Variants in PARD3B observed in about 807,000 individuals in gnomAD.
The protein encoded by PARD3B is partitioning defective 3 homolog B.
A neutral mutation model predicts 130.2 loss-of-function variants in PARD3B; 103 were observed. The ratio of observed to expected loss-of-function variants is 0.79; its 90% confidence interval spans 0.67 to 0.93. PARD3B has a LOEUF of 0.93. Ranked by LOEUF, PARD3B falls within the 40% of genes least tolerant of loss-of-function variation. The pLI is 0.00. For missense variants in PARD3B, 1,609 were observed against 1,499.2 expected (o/e 1.07, Z -1.21); for synonymous variants, 583 against 553.2 (o/e 1.05, Z -0.76).
At chr2:205,181,386 T>C (rs2035779254) in intron 13 of PARD3B, among the ~76,000 whole-genome samples, 1 of 152,262 alleles carries the variant, frequency 6.6e-6, no homozygotes, top group African/African-American at 2.4e-5. Flanking sequence ...TTGTGCAGAA[T>C]ACACTATCAG....
At chr2:205,042,958 T>C (rs1698496654) in intron 3 of PARD3B, among the ~76,000 whole-genome samples, 1 of 152,142 alleles carries the variant, frequency 6.6e-6, no homozygotes, top group Non-Finnish European at 1.5e-5. Context: ...ATTTGTGCTT[T>C]GCTTCCAGTG....
intron 2 of PARD3B, among the ~76,000 whole-genome samples, chr2:204,762,416 G>A (rs935611830): frequency 5.3e-5 from 8 of 152,168 alleles, no homozygotes; most frequent in Admixed American, 4.6e-4. Context: ...GAGCCACGGC[G>A]CCCAACCCGA....
intron 18 of PARD3B, among the ~76,000 whole-genome samples, chr2:205,315,834 C>T (rs2042545667): frequency 6.6e-6 from 1 of 152,176 alleles, no homozygotes; most frequent in Non-Finnish European, 1.5e-5. Context: ...ACCTCAAGCC[C>T]CATCTCCTTT....
At chr2:204,561,363 C>G (rs1220636528) in intron 1 of PARD3B, among the ~76,000 whole-genome samples, 2 of 152,146 alleles carry the variant, frequency 1.3e-5, no homozygotes, top group African/African-American at 4.8e-5. Flanking sequence ...GGAAATCTTC[C>G]TTTGTTCCTC....
intron 5 of PARD3B, among the ~76,000 whole-genome samples, chr2:205,107,085 A>G (rs1703277134): frequency 6.6e-6 from 1 of 152,202 alleles, no homozygotes; most frequent in South Asian, 2.1e-4. Flanking sequence ...TAAGTAAATT[A>G]TTTGTAGTCT....
chr2:204,696,995 A>G (rs1394554565), intron 2 of PARD3B, among the ~76,000 whole-genome samples: 1 of 152,110 alleles, frequency 6.6e-6, no homozygotes, highest in East Asian at 1.9e-4. Flanking sequence ...TGTTTATACA[A>G]TACTTAACTA....
chr2:205,242,893 G>C (rs949063877), intron 15 of PARD3B, among the ~76,000 whole-genome samples: 1 of 152,112 alleles, frequency 6.6e-6, no homozygotes, highest in South Asian at 2.1e-4. Context: ...GTGGCCGGGC[G>C]CAGTGGTTCA....
At position 205,473,149 on chromosome 2, in the gene PARD3B, G is replaced by A. The variant is rs945448780; in HGVS notation, c.3045-26747G>A. On this transcript the variant is annotated intron_variant, in intron 20 of 22. Transcript: ENST00000406610. The surrounding 1 kb of genome is among the most constrained non-coding windows in gnomAD (Gnocchi z 4.9). ...CTCATAATAGTTTTCCCACTATCCAGTCCCCATATTGTCTTCCACCATAAA... is the reference window on the plus strand; with the variant it reads ...CTCATAATAGTTTTCCCACTATCCAATCCCCATATTGTCTTCCACCATAAA... 6.6e-5 allele frequency among the ~76,000 whole-genome samples: 10 copies of A among 152,012 alleles called. No individual in the cohort carries two copies. The highest frequency in any genetic ancestry group is 2.0e-4 in the Admixed American group (3 of 15,248).
intron 21 of PARD3B, among the ~76,000 whole-genome samples, chr2:205,500,450 C>G (rs750196471): frequency 6.6e-6 from 1 of 152,092 alleles, no homozygotes; most frequent in African/African-American, 2.4e-5. Context: ...TGGATCTGAG[C>G]ACTTCACATT....
chr2:205,114,169 C>A (rs1230491229), intron 6 of PARD3B, among the ~76,000 whole-genome samples: 1 of 152,084 alleles, frequency 6.6e-6, no homozygotes, highest in African/African-American at 2.4e-5. Flanking sequence ...TAAATCCACA[C>A]TGGTAAAAAT....
intron 10 of PARD3B, among the ~76,000 whole-genome samples, chr2:205,157,020 CTT>C (rs1041732202): frequency 3.3e-5 from 5 of 152,110 alleles, no homozygotes; most frequent in African/African-American, 1.2e-4. Context: ...AAAATTAGTT[CTT>C]GTCTCTTTGT....
At chr2:205,144,662 T>C (rs930588807) in intron 10 of PARD3B, among the ~76,000 whole-genome samples, 1 of 152,210 alleles carries the variant, frequency 6.6e-6, no homozygotes, top group Non-Finnish European at 1.5e-5. Flanking sequence ...ACAAATGACA[T>C]GTTGTAGATA....
intron 1 of PARD3B, 50 bp downstream of exon 1, chr2:204,546,169 C>T (rs1482054435): frequency 7.8e-6 from 12 of 1,547,230 alleles, no homozygotes; most frequent in Non-Finnish European, 9.6e-6. Flanking sequence ...AGGCACCTGC[C>T]AGGTGCGACC....
chr2:205,168,320 A>AGAGAGAGAGAAAGAGAGT (rs371904121), intron 11 of PARD3B, among the ~76,000 whole-genome samples: 6 of 119,768 alleles, frequency 5.0e-5, no homozygotes, highest in Non-Finnish European at 1.0e-4. Context: ...AGAGAGAGAG[A>AGAGAGAGAGAAAGAGAGT]GTGTGTGTGT....
chr2:205,095,847 C>T (rs1451279204), intron 4 of PARD3B, among the ~76,000 whole-genome samples: 1 of 152,026 alleles, frequency 6.6e-6, no homozygotes, highest in African/African-American at 2.4e-5. Context: ...CTTTTAAAAT[C>T]TCAATCAGAA....
chr2:204,683,483 G>A (rs745320522), intron 1 of PARD3B, among the ~76,000 whole-genome samples: 30 of 152,240 alleles, frequency 2.0e-4, no homozygotes, highest in African/African-American at 7.0e-4. Flanking sequence ...GCATTAAAGA[G>A]TCAGGATAAA....
intron 16 of PARD3B, 45 bp downstream of exon 16, chr2:205,245,867 C>G: frequency 6.6e-7 from 1 of 1,504,342 alleles, no homozygotes; most frequent in Non-Finnish European, 9.3e-7. Flanking sequence ...TCCTGGAAAT[C>G]ACTGGCTGTG....
At chr2:205,450,235 A>G (rs983350892) in intron 20 of PARD3B, among the ~76,000 whole-genome samples, 6 of 152,320 alleles carry the variant, frequency 3.9e-5, no homozygotes, top group Non-Finnish European at 5.9e-5. Context: ...TGAACTAAAT[A>G]TAACTATTGA....
chr2:205,324,087 C>T (rs2042853544), intron 18 of PARD3B, among the ~76,000 whole-genome samples: 2 of 152,082 alleles, frequency 1.3e-5, no homozygotes, highest in Non-Finnish European at 2.9e-5. Flanking sequence ...GTATTACACA[C>T]CTTCTTTTGT....
Sources: gnomAD v4.1 joint callset for allele counts (sites outside exome capture counted in the v4.1 genomes callset) on GRCh38, gnomAD v4.1.1 for gene constraint, Gnocchi (gnomAD v3.1) non-coding constraint, MANE v1.5 for transcripts, NCBI Gene and HGNC (gene_info 2026-07-23, HGNC 2026-07-21) for gene names.